The following NKAIN2 variants were observed in gnomAD, a reference collection of about 807,000 sequenced individuals.
The protein encoded by NKAIN2 is sodium/potassium-transporting ATPase subunit beta-1-interacting protein 2.
Under a neutral mutation model 32.6 loss-of-function variants are expected in NKAIN2, and 14 were observed. That is an observed-to-expected ratio of 0.43 (90% confidence interval 0.28 to 0.67). The LOEUF (loss-of-function observed/expected upper bound fraction) is 0.67. Among genes scored for constraint, NKAIN2 ranks in the 30% least tolerant of loss-of-function variants. The pLI is 0.17. For missense variants in NKAIN2, 198 were observed against 258.3 expected, an observed-to-expected ratio of 0.77 and a Z score of 1.60; for synonymous variants, 80 against 87.2, an observed-to-expected ratio of 0.92 and a Z score of 0.46.
At position 123,803,940 on chromosome 6, in the gene NKAIN2, G is replaced by T. The variant is rs1349171540; in HGVS notation, c.-261G>T. Among the ~76,000 whole-genome samples the T allele has an allele frequency of 6.7e-6, 1 of 150,294 alleles. No homozygotes were observed. Among genetic ancestry groups the T allele is most frequent in the Non-Finnish European group, 1.5e-5 (1 of 67,408 alleles). On this transcript the variant is annotated 5_prime_UTR_variant, in exon 1 of 7. Coordinates refer to ENST00000368417, the MANE Select transcript of NKAIN2 (RefSeq NM_001040214.3). The stretch of plus-strand genomic sequence containing the variant: ...GGGCCCCGAGCGCGCCTCCGCAGGC[G>T]GCACTGCCCGCGGCGCGGCGTGTGC...
At chr6:124,410,344 C>A (rs190713583) in intron 3 of NKAIN2, among the ~76,000 whole-genome samples, 14 of 152,244 alleles carry the variant, frequency 9.2e-5, no homozygotes, top group African/African-American at 3.1e-4. Flanking sequence ...GCTAAAATTT[C>A]CCTCTACACA....
At chr6:124,072,607 A>G (rs1324966115) in intron 1 of NKAIN2, among the ~76,000 whole-genome samples, 1 of 152,146 alleles carries the variant, frequency 6.6e-6, no homozygotes, top group Non-Finnish European at 1.5e-5. Flanking sequence ...TCTGCCCCTT[A>G]TGCCAGACCT....
intron 4 of NKAIN2, among the ~76,000 whole-genome samples, chr6:124,742,173 G>C (rs1777244187): frequency 6.6e-6 from 1 of 151,716 alleles, no homozygotes; most frequent in South Asian, 2.1e-4. Flanking sequence ...TATTTGACTG[G>C]GTTACAGGGT....
intron 1 of NKAIN2, among the ~76,000 whole-genome samples, chr6:124,036,359 C>G (rs749869971): frequency 1.3e-5 from 2 of 152,038 alleles, no homozygotes; most frequent in Middle Eastern, 3.2e-3. Flanking sequence ...TGTTTTCATC[C>G]CCTAACCACC....
intron 1 of NKAIN2, among the ~76,000 whole-genome samples, chr6:124,148,202 GTT>G (rs1157839460): frequency 6.6e-6 from 1 of 151,912 alleles, no homozygotes; most frequent in East Asian, 1.9e-4. Flanking sequence ...GCATTAGAGA[GTT>G]TGCACTTTTG....
chr6:123,955,956 T>C (rs1777563755), intron 1 of NKAIN2, among the ~76,000 whole-genome samples: 1 of 152,144 alleles, frequency 6.6e-6, no homozygotes, highest in African/African-American at 2.4e-5. Context: ...TTAAAAGCAG[T>C]ATTTCATTCT....
At position 124,801,873 on chromosome 6, in the gene NKAIN2, T is replaced by C. The variant is rs182543140; in HGVS notation, c.535+10474T>C. Among the ~76,000 whole-genome samples the C allele has an allele frequency of 4.6e-5, 7 of 152,330 alleles. No homozygotes were observed. In the East Asian group the frequency reaches 7.7e-4, roughly 17 times the overall value. Reference sequence around the variant, plus strand: ...TTAACAAAGACAGGCACGCCTTTTTTAAAAGGTACTACTTTTCGGATCCAT... The same window carrying C: ...TTAACAAAGACAGGCACGCCTTTTTCAAAAGGTACTACTTTTCGGATCCAT... On this transcript the variant is annotated intron_variant, in intron 5 of 6. Coordinates refer to ENST00000368417, the MANE Select transcript of NKAIN2 (RefSeq NM_001040214.3).
intron 4 of NKAIN2, among the ~76,000 whole-genome samples, chr6:124,775,287 G>A (rs949107897): frequency 2.0e-5 from 3 of 152,154 alleles, no homozygotes; most frequent in African/African-American, 4.8e-5. Context: ...ACTTTTTTAG[G>A]AGGCCGATTG....
chr6:124,520,021 G>A (rs535330803), intron 3 of NKAIN2, among the ~76,000 whole-genome samples: 24 of 152,186 alleles, frequency 1.6e-4, no homozygotes, highest in South Asian at 6.2e-4. Flanking sequence ...AAACATGCTC[G>A]AGCAAGGTCA....
intron 4 of NKAIN2, among the ~76,000 whole-genome samples, chr6:124,785,103 G>A (rs1779440692): frequency 6.6e-6 from 1 of 152,010 alleles, no homozygotes; most frequent in Non-Finnish European, 1.5e-5. Flanking sequence ...ATTTCCATGA[G>A]TCTCTGAGGC....
intron 4 of NKAIN2, among the ~76,000 whole-genome samples, chr6:124,732,293 T>C (rs147324035): frequency 1.3e-5 from 2 of 152,132 alleles, no homozygotes; most frequent in East Asian, 1.9e-4. Flanking sequence ...TTTGGTGCCA[T>C]AGAGAAGAGT....
chr6:124,541,962 C>T (rs1356633863), intron 3 of NKAIN2, among the ~76,000 whole-genome samples: 1 of 151,938 alleles, frequency 6.6e-6, no homozygotes, highest in Non-Finnish European at 1.5e-5. Flanking sequence ...TTGGTGTAAC[C>T]ATAAGGACAC....
intron 5 of NKAIN2, among the ~76,000 whole-genome samples, chr6:124,807,947 C>T (rs1228483981): frequency 2.0e-5 from 3 of 148,748 alleles, no homozygotes; most frequent in Admixed American, 6.7e-5. Context: ...GAAGTTGAAT[C>T]TCCGAATAGA....
intron 1 of NKAIN2, among the ~76,000 whole-genome samples, chr6:124,171,727 A>G (rs1788877861): frequency 8.3e-6 from 1 of 120,698 alleles, no homozygotes; most frequent in African/African-American, 3.1e-5. Flanking sequence ...ATTTTTTTGT[A>G]TTTTAGTAGA....
intron 3 of NKAIN2, among the ~76,000 whole-genome samples, chr6:124,561,524 C>A (rs1780690317): frequency 6.6e-6 from 1 of 152,128 alleles, no homozygotes; most frequent in Admixed American, 6.6e-5. Flanking sequence ...TTCTCCCTCC[C>A]CAACCCACCA....
intron 1 of NKAIN2, among the ~76,000 whole-genome samples, chr6:123,963,313 A>G (rs1188232832): frequency 1.3e-5 from 2 of 152,182 alleles, no homozygotes; most frequent in African/African-American, 4.8e-5. Flanking sequence ...TCTTCCCTTC[A>G]TTGCCTCACG....
intron 3 of NKAIN2, among the ~76,000 whole-genome samples, chr6:124,576,344 G>GA (rs1781333351): frequency 8.9e-6 from 1 of 112,374 alleles, no homozygotes; most frequent in East Asian, 2.2e-4. Context: ...ATATTTGGCA[G>GA]ATTTTTTTGT....
chr6:124,314,508 G>A (rs117044948), intron 2 of NKAIN2, among the ~76,000 whole-genome samples: 2,304 of 152,220 alleles, frequency 0.015, 26 homozygotes, highest in Non-Finnish European at 0.025. Flanking sequence ...TCCAGGAAAG[G>A]GCAGAGGGAG....
chr6:124,631,291 TAACA>T (rs539147309), intron 3 of NKAIN2, among the ~76,000 whole-genome samples: 1 of 152,166 alleles, frequency 6.6e-6, no homozygotes, highest in Non-Finnish European at 1.5e-5. Context: ...GGCAGATTAC[TAACA>T]AACAATTGGG....
Sources: gnomAD v4.1 joint callset for allele counts (sites outside exome capture counted in the v4.1 genomes callset) on GRCh38, gnomAD v4.1.1 for gene constraint, MANE v1.5 for transcripts, NCBI Gene and HGNC (gene_info 2026-07-23, HGNC 2026-07-21) for gene names.